ADK: variants seen among roughly 807,000 people sequenced by gnomAD.
The protein encoded by ADK is adenosine kinase.
In ADK, 24 loss-of-function variants were observed where a neutral mutation model predicts 44.7. The ratio of observed to expected loss-of-function variants is 0.54; its 90% CI spans 0.39 to 0.76. The LOEUF is 0.76. Among genes scored for constraint, ADK ranks in the 30% least tolerant of loss-of-function variants. ADK has a pLI of 0.00. For synonymous variants in ADK, 128 were observed against 142.6 expected, an observed-to-expected ratio of 0.90 and a Z score of 0.73; for missense variants, 321 against 425.1, an observed-to-expected ratio of 0.76 and a Z score of 2.15.
chr10:74,198,890 A>C (rs1283306047), intron 1 of ADK, among the ~76,000 whole-genome samples: 2 of 152,202 alleles, frequency 1.3e-5, no homozygotes, highest in African/African-American at 4.8e-5. Context: ...AGGCATCTGA[A>C]ATGAATCCTT....
intron 9 of ADK, among the ~76,000 whole-genome samples, chr10:74,615,174 G>A (rs541520036): frequency 4.6e-5 from 7 of 152,290 alleles, no homozygotes; most frequent in African/African-American, 1.7e-4. Context: ...ACCCTTTAGA[G>A]TATAATATTT....
intron 3 of ADK, among the ~76,000 whole-genome samples, chr10:74,261,195 T>C (rs1846023734): frequency 1.3e-5 from 2 of 152,316 alleles, no homozygotes; most frequent in South Asian, 4.1e-4. Flanking sequence ...AAATATTTGG[T>C]CCCCCTTTCC....
At chr10:74,679,465 G>T (rs530465601) in intron 10 of ADK, among the ~76,000 whole-genome samples, 1 of 152,062 alleles carries the variant, frequency 6.6e-6, no homozygotes, top group Non-Finnish European at 1.5e-5. Flanking sequence ...TGCCAGCTCT[G>T]TGTTTATCCC....
At chr10:74,501,805 C>T (rs563898228) in intron 6 of ADK, among the ~76,000 whole-genome samples, 1 of 152,084 alleles carries the variant, frequency 6.6e-6, no homozygotes, top group South Asian at 2.1e-4. Context: ...ATAGGTAAAT[C>T]CACAGAAACA....
At chr10:74,424,047 A>T (rs536282601) in intron 6 of ADK, 7 of 154,972 alleles carry the variant, frequency 4.5e-5, no homozygotes, top group African/African-American at 1.7e-4. Flanking sequence ...ACCAGAGAGC[A>T]TGGGGACGGG....
At chr10:74,482,839 C>T (rs943040203) in intron 6 of ADK, among the ~76,000 whole-genome samples, 6 of 152,334 alleles carry the variant, frequency 3.9e-5, no homozygotes, top group Middle Eastern at 6.8e-3. Flanking sequence ...ACTGATGCAA[C>T]GAGTAGGCTC....
intron 9 of ADK, among the ~76,000 whole-genome samples, chr10:74,659,696 G>A (rs1455549926): frequency 6.6e-6 from 1 of 152,190 alleles, no homozygotes; most frequent in Non-Finnish European, 1.5e-5. Flanking sequence ...GAGCAAGGAA[G>A]ACAGTCCGAG....
At chr10:74,258,184 A>T (rs1845897777) in intron 3 of ADK, among the ~76,000 whole-genome samples, 1 of 152,190 alleles carries the variant, frequency 6.6e-6, no homozygotes, top group African/African-American at 2.4e-5. Flanking sequence ...TTGTAAGTAG[A>T]CAAAATATTA....
intron 6 of ADK, among the ~76,000 whole-genome samples, chr10:74,417,144 A>T (rs930266620): frequency 1.3e-5 from 2 of 152,044 alleles, no homozygotes; most frequent in African/African-American, 2.4e-5. Context: ...TTCCTTTCTT[A>T]TATTAACTGA....
At chr10:74,639,804 C>G (rs1178469106) in intron 9 of ADK, among the ~76,000 whole-genome samples, 2 of 151,980 alleles carry the variant, frequency 1.3e-5, no homozygotes, top group East Asian at 2.0e-4. Flanking sequence ...CTACTGCACT[C>G]CAGCCTGGGT....
intron 9 of ADK, among the ~76,000 whole-genome samples, chr10:74,612,674 T>C (rs1013349882): frequency 2.0e-5 from 3 of 152,160 alleles, no homozygotes; most frequent in Non-Finnish European, 2.9e-5. Flanking sequence ...GCATTTGCTT[T>C]TGAGGTCTTA....
At chr10:74,569,791 G>C (rs1478534562) in intron 7 of ADK, among the ~76,000 whole-genome samples, 1 of 152,158 alleles carries the variant, frequency 6.6e-6, no homozygotes, top group Admixed American at 6.5e-5. Context: ...GATCCCATTT[G>C]TCAATTTTGA....
rs1190584083 is a variant in ADK, at chr10:74,511,279, T to C, written c.556-13977T>C. On this transcript the variant is annotated intron_variant, in intron 6 of 10. Transcript: ENST00000539909. ...TGTTATTATAGCTTTGTGATATATT[T>C]TGAGGTCTGATAGTGTGGTACCTCC... is the stretch of plus-strand genomic sequence containing the variant. 2.6e-5 allele frequency among the ~76,000 whole-genome samples: 4 copies of C among 152,354 alleles called. No individual in the cohort carries two copies. In the East Asian group the frequency reaches 7.7e-4, roughly 29 times the overall value.
At chr10:74,327,327 G>A (rs1841057122) in intron 4 of ADK, among the ~76,000 whole-genome samples, 1 of 151,612 alleles carries the variant, frequency 6.6e-6, no homozygotes, top group Non-Finnish European at 1.5e-5. Context: ...TCTTATTATT[G>A]ACTTCTAGTT....
At chr10:74,188,343 A>ATTTTTTTTT (rs765922880) in intron 1 of ADK, among the ~76,000 whole-genome samples, 18 of 81,362 alleles carry the variant, frequency 2.2e-4, no homozygotes, top group Non-Finnish European at 3.2e-4. Context: ...TGTATTTTTA[A>ATTTTTTTTT]TTTTTTTTTT....
chr10:74,196,712 G>A (rs1843167656), intron 1 of ADK, among the ~76,000 whole-genome samples: 1 of 152,044 alleles, frequency 6.6e-6, no homozygotes, highest in South Asian at 2.1e-4. Flanking sequence ...CAAAACTACC[G>A]ACATATGTAA....
intron 10 of ADK, among the ~76,000 whole-genome samples, chr10:74,681,200 A>G (rs1031278920): frequency 1.2e-4 from 19 of 152,354 alleles, no homozygotes; most frequent in African/African-American, 4.6e-4. Context: ...TTAAAAAATC[A>G]TATTTTCTGG....
chr10:74,377,265 A>G (rs1842845411), intron 4 of ADK, among the ~76,000 whole-genome samples: 1 of 152,216 alleles, frequency 6.6e-6, no homozygotes, highest in South Asian at 2.1e-4. Flanking sequence ...ATTTCTGAGA[A>G]GGGTTACAAC....
intron 8 of ADK, among the ~76,000 whole-genome samples, chr10:74,590,185 G>A (rs1017438509): frequency 5.3e-5 from 8 of 152,244 alleles, no homozygotes; most frequent in African/African-American, 1.9e-4. Flanking sequence ...GTAGAATGCT[G>A]TGTTCTTACA....
Sources: gnomAD v4.1 joint callset for allele counts (sites outside exome capture counted in the v4.1 genomes callset) on GRCh38, gnomAD v4.1.1 for gene constraint, MANE v1.5 for transcripts, NCBI Gene and HGNC (gene_info 2026-07-23, HGNC 2026-07-21) for gene names.